VPS45: variants seen among roughly 807,000 people sequenced by gnomAD.
The protein encoded by VPS45 is vacuolar protein sorting 45 homolog, also known as vacuolar protein sorting-associated protein 45.
VPS45 carries 35 observed loss-of-function variants against 75.9 expected under a neutral mutation model. The ratio of observed to expected loss-of-function variants is 0.46; its 90% confidence interval spans 0.35 to 0.61. VPS45 has a LOEUF of 0.61. Ranked by LOEUF, VPS45 falls within the 20% of genes least tolerant of loss-of-function variation. The pLI is 0.00. For missense variants in VPS45, 559 were observed against 685.9 expected, an observed-to-expected ratio of 0.81 and a Z score of 2.07; for synonymous variants, 220 against 238.2, an observed-to-expected ratio of 0.92 and a Z score of 0.70.
In VPS45 at chr1:150,077,798, G is replaced by A; in HGVS notation, c.687+19G>A. The A allele has an allele frequency of 6.4e-7, 1 of 1,564,846 alleles. No individual in the cohort carries two copies. The highest frequency in any genetic ancestry group is 2.2e-5 in the East Asian group (1 of 44,624). ...AAACCAGGTACAAAACCCTTTCTTG[G>A]CATAATAGAAGGATAATTTTAAGTG... is the stretch of plus-strand genomic sequence containing the variant. On this transcript the variant is annotated intron_variant, in intron 7 of 14. Transcript: ENST00000644510.
Position 150,067,953 on chromosome 1 carries a change from G to T in VPS45, c.93+3G>T. The T allele has an allele frequency of 6.2e-7, 1 of 1,614,078 alleles. No homozygotes were observed. The highest frequency in any genetic ancestry group is 2.2e-5 in the East Asian group (1 of 44,882). The stretch of plus-strand genomic sequence containing the variant: ...TACTTCTCATGGATAAAGAGACGGT[G>T]AGTTTGCTTTTGCTCAGCATTTGTG... On this transcript the variant is annotated splice_donor_region_variant and intron_variant, in intron 1 of 14. Coordinates refer to ENST00000644510, the MANE Select transcript of VPS45 (RefSeq NM_007259.5).
intron 14 of VPS45, among the ~76,000 whole-genome samples, chr1:150,124,834 T>A (rs1553810400): frequency 6.6e-6 from 1 of 151,820 alleles, no homozygotes; most frequent in Non-Finnish European, 1.5e-5. Flanking sequence ...GCTGGGATTA[T>A]AGGCATAAGC....
intron 2 of VPS45, among the ~76,000 whole-genome samples, chr1:150,070,040 G>A (rs1553796727): frequency 6.6e-6 from 1 of 151,944 alleles, no homozygotes; most frequent in Non-Finnish European, 1.5e-5. Flanking sequence ...TATTCCCCTT[G>A]TCCCGTCATG....
Position 150,067,780 on chromosome 1 carries a change from C to G in VPS45, c.-78C>G. 2 of 1,460,430 alleles carry G rather than the reference C, an allele frequency of 1.4e-6. No individual in the cohort carries two copies. The highest frequency in any genetic ancestry group is 4.5e-5 in the East Asian group (2 of 43,998). The allele number at this position is 1,460,430 out of a possible 1,614,324, so 90.5% of individuals were successfully genotyped here. On this transcript the variant is annotated 5_prime_UTR_variant, in exon 1 of 15. Coordinates refer to ENST00000644510, the MANE Select transcript of VPS45 (RefSeq NM_007259.5). ...CCCGGCTGGGAGGAAGCAGCTGAGACCCGGCCAACAGACTGGGGGTTAATT... is the reference window on the plus strand; with the variant it reads ...CCCGGCTGGGAGGAAGCAGCTGAGAGCCGGCCAACAGACTGGGGGTTAATT...
chr1:150,070,368 G>A (rs1303533708), intron 2 of VPS45, among the ~76,000 whole-genome samples: 1 of 152,082 alleles, frequency 6.6e-6, no homozygotes, highest in Non-Finnish European at 1.5e-5. Context: ...ATTGTTTCAT[G>A]TTTGTAGCTC....
intron 14 of VPS45, among the ~76,000 whole-genome samples, chr1:150,111,509 A>G (rs141358607): frequency 2.0e-5 from 3 of 152,328 alleles, no homozygotes. Flanking sequence ...AGTGATTACA[A>G]GAAACTCACG....
chr1:150,077,059 A>G, intron 5 of VPS45, 35 bp from the exon 6 acceptor site: 2 of 1,613,296 alleles, frequency 1.2e-6, no homozygotes, highest in South Asian at 1.1e-5. Context: ...AGAAAATTCA[A>G]ATATTTTCTC....
At chr1:150,126,337 A>G (rs1297680284) in intron 14 of VPS45, among the ~76,000 whole-genome samples, 10 of 151,924 alleles carry the variant, frequency 6.6e-5, no homozygotes, top group South Asian at 6.2e-4. Context: ...CAGCCTCCCA[A>G]GTAGCTGGGA....
At chr1:150,139,856 T>C (rs1297266563) in intron 14 of VPS45, among the ~76,000 whole-genome samples, 1 of 151,822 alleles carries the variant, frequency 6.6e-6, no homozygotes, top group African/African-American at 2.4e-5. Context: ...TGAGCCACCA[T>C]GGGCAGCCAG....
intron 14 of VPS45, among the ~76,000 whole-genome samples, chr1:150,142,628 TGA>T (rs1319167884): frequency 6.6e-6 from 1 of 152,226 alleles, no homozygotes; most frequent in Non-Finnish European, 1.5e-5. Flanking sequence ...CTGTCTGCTC[TGA>T]GAGAGAGTCC....
chr1:150,133,707 T>TC (rs1553812929), intron 14 of VPS45, among the ~76,000 whole-genome samples: 1 of 151,478 alleles, frequency 6.6e-6, no homozygotes. Flanking sequence ...GCTTGAATGT[T>TC]CCCATACATC....
At chr1:150,131,666 T>TA (rs1658843861) in intron 14 of VPS45, among the ~76,000 whole-genome samples, 1 of 111,098 alleles carries the variant, frequency 9.0e-6, no homozygotes, top group African/African-American at 3.6e-5. Context: ...CCAGACTCTT[T>TA]TTTTGTCTCT....
At chr1:150,099,827 C>T (rs587732794) in intron 13 of VPS45, among the ~76,000 whole-genome samples, 7 of 66,650 alleles carry the variant, frequency 1.1e-4, no homozygotes, top group Admixed American at 2.2e-4. Context: ...AGCGAGACTC[C>T]GTCTCAAAAA....
In VPS45 at chr1:150,111,114, A is replaced by G. The variant is rs114231638; in HGVS notation, c.1625+487A>G. On this transcript the variant is annotated intron_variant, in intron 14 of 14. Transcript: ENST00000644510. ...GAATACAAAGATGAATAATCTAAAG[A>G]TCCTACCTCAAGTTATTGTCTATTA... is the stretch of plus-strand genomic sequence containing the variant. Among the ~76,000 whole-genome samples, 841 of 152,346 alleles carry G rather than the reference A, an allele frequency of 5.5e-3. 4 individuals are homozygous for G. The highest frequency in any genetic ancestry group is 0.019 in the African/African-American group (798 of 41,574).
At chr1:150,121,679 A>G (rs1389951414) in intron 14 of VPS45, among the ~76,000 whole-genome samples, 1 of 152,216 alleles carries the variant, frequency 6.6e-6, no homozygotes, top group Non-Finnish European at 1.5e-5. Flanking sequence ...ACGTCTATCT[A>G]GAACAGTCAG....
At chr1:150,090,733 A>C (rs1215195399) in intron 10 of VPS45, among the ~76,000 whole-genome samples, 1 of 152,340 alleles carries the variant, frequency 6.6e-6, no homozygotes, top group Admixed American at 6.5e-5. Context: ...CTCACTTCTC[A>C]TAAAGACTAC....
intron 10 of VPS45, chr1:150,083,253 CA>C (rs587649133): frequency 1.6e-3 from 267 of 161,916 alleles, no homozygotes; most frequent in African/African-American, 6.2e-3. Flanking sequence ...TATTAATACT[CA>C]TCTCACAGAG....
intron 6 of VPS45, 188 bp from the exon 7 acceptor site, chr1:150,077,481 G>T: frequency 1.5e-6 from 1 of 668,674 alleles, no homozygotes; most frequent in Non-Finnish European, 2.5e-6. Context: ...TTATAAAATA[G>T]GGTTTCATAT....
intron 13 of VPS45, among the ~76,000 whole-genome samples, chr1:150,108,317 T>A (rs1463559260): frequency 6.6e-6 from 1 of 152,218 alleles, no homozygotes; most frequent in Non-Finnish European, 1.5e-5. Flanking sequence ...GAAGGAAATG[T>A]GCTGTTTCTC....
Sources: gnomAD v4.1 joint callset for allele counts (sites outside exome capture counted in the v4.1 genomes callset) on GRCh38, gnomAD v4.1.1 for gene constraint, MANE v1.5 for transcripts, NCBI Gene and HGNC (gene_info 2026-07-23, HGNC 2026-07-21) for gene names.